PACRG: variants seen among roughly 807,000 people sequenced by gnomAD.
PACRG encodes parkin coregulated gene protein.
Under a neutral mutation model 29.7 loss-of-function variants are expected in PACRG, and 29 were observed. That is an observed-to-expected ratio of 0.98 (90% confidence interval 0.73 to 1.33). The LOEUF (loss-of-function observed/expected upper bound fraction) is 1.33. Ranked by LOEUF, PACRG falls within the 40% of genes most tolerant of loss-of-function variation. The pLI is 0.00. For synonymous variants in PACRG, 116 were observed against 118.7 expected (o/e 0.98, Z 0.15); for missense variants, 279 against 316.2 (o/e 0.88, Z 0.89).
intron 4 of PACRG, among the ~76,000 whole-genome samples, chr6:163,181,501 C>T (rs1177187244): frequency 6.6e-6 from 1 of 150,910 alleles, no homozygotes; most frequent in Non-Finnish European, 1.5e-5. Flanking sequence ...TGCCAGCGGC[C>T]CTCCCCTCCC....
At chr6:163,133,058 A>T (rs1365222286) in intron 4 of PACRG, among the ~76,000 whole-genome samples, 3 of 152,188 alleles carry the variant, frequency 2.0e-5, no homozygotes, top group African/African-American at 7.2e-5. Context: ...AAGAATCAGT[A>T]AGTTGATTTA....
At chr6:163,229,270 G>A (rs1163763866) in intron 4 of PACRG, among the ~76,000 whole-genome samples, 1 of 152,124 alleles carries the variant, frequency 6.6e-6, no homozygotes, top group Non-Finnish European at 1.5e-5. Context: ...ATCACTTTGA[G>A]CCCAGGAGTT....
At chr6:163,223,119 C>T (rs1331144826) in intron 4 of PACRG, among the ~76,000 whole-genome samples, 2 of 152,128 alleles carry the variant, frequency 1.3e-5, no homozygotes, top group Non-Finnish European at 2.9e-5. Context: ...ATTGACCGGG[C>T]GCGATGGCTC....
intron 4 of PACRG, among the ~76,000 whole-genome samples, chr6:163,238,480 T>C (rs1782335571): frequency 6.6e-6 from 1 of 152,194 alleles, no homozygotes; most frequent in Non-Finnish European, 1.5e-5. Flanking sequence ...AGAACAGAAT[T>C]TGAATCTAGT....
At chr6:163,292,770 T>A (rs1784660247) in intron 4 of PACRG, among the ~76,000 whole-genome samples, 1 of 152,174 alleles carries the variant, frequency 6.6e-6, no homozygotes, top group Non-Finnish European at 1.5e-5. Context: ...CATCTAAATT[T>A]CCTGACCATT....
chr6:163,084,401 T>A (rs1018353531), intron 3 of PACRG, among the ~76,000 whole-genome samples: 5 of 152,228 alleles, frequency 3.3e-5, no homozygotes, highest in African/African-American at 4.8e-5. Context: ...CTTCATGGTG[T>A]ATCTTAATTC....
chr6:162,956,704 G>A (rs1482081241), intron 2 of PACRG, among the ~76,000 whole-genome samples: 1 of 152,128 alleles, frequency 6.6e-6, no homozygotes, highest in Admixed American at 6.5e-5. Context: ...TCCTCACACA[G>A]CCCTCCCCTG....
chr6:163,290,835 C>T (rs1235495538), intron 4 of PACRG, among the ~76,000 whole-genome samples: 2 of 152,154 alleles, frequency 1.3e-5, no homozygotes, highest in Non-Finnish European at 1.5e-5. Context: ...ATCGGATGCG[C>T]ATGAGTTCAG....
intron 4 of PACRG, among the ~76,000 whole-genome samples, chr6:163,218,955 A>C (rs1030466271): frequency 3.3e-5 from 5 of 152,170 alleles, no homozygotes; most frequent in African/African-American, 1.2e-4. Flanking sequence ...ATATCCTCCA[A>C]CGCACAGGAC....
intron 4 of PACRG, among the ~76,000 whole-genome samples, chr6:163,291,129 C>A (rs1784586735): frequency 6.7e-6 from 1 of 149,126 alleles, no homozygotes; most frequent in Non-Finnish European, 1.5e-5. Flanking sequence ...CTAGATGACC[C>A]CTCTGCCCGC....
Position 162,814,291 on chromosome 6 carries a change from G to T in PACRG, c.291+10G>T. ...CAAAATCGCCTGGAAGGTAAGTCAG[G>T]GCACAGCTGTGCCGGCCAGCTGCAC... On this transcript the variant is annotated intron_variant, in intron 2 of 4. Transcript: ENST00000366888. 6.2e-7 allele frequency: 1 copy of T among 1,612,786 alleles called. No homozygotes were observed.
At chr6:162,883,661 G>A (rs541587706) in intron 2 of PACRG, among the ~76,000 whole-genome samples, 1 of 151,100 alleles carries the variant, frequency 6.6e-6, no homozygotes, top group East Asian at 2.0e-4. Flanking sequence ...TGGTTCAGAA[G>A]GCATCAAACG....
intron 2 of PACRG, among the ~76,000 whole-genome samples, chr6:163,048,288 T>G (rs1353370259): frequency 6.6e-6 from 1 of 152,222 alleles, no homozygotes; most frequent in Non-Finnish European, 1.5e-5. Flanking sequence ...AAGTTCACCA[T>G]GAAGTATGGG....
chr6:162,852,980 C>T (rs967562003), intron 2 of PACRG, among the ~76,000 whole-genome samples: 1 of 152,186 alleles, frequency 6.6e-6, no homozygotes, highest in African/African-American at 2.4e-5. Flanking sequence ...TTCTCAACAC[C>T]GTCACCAACA....
At chr6:162,795,830 A>C (rs1031332239) in intron 1 of PACRG, among the ~76,000 whole-genome samples, 1 of 152,108 alleles carries the variant, frequency 6.6e-6, no homozygotes, top group African/African-American at 2.4e-5. Context: ...TTTCCCATGT[A>C]CTTTATTTTT....
intron 1 of PACRG, among the ~76,000 whole-genome samples, chr6:162,792,854 A>G (rs1160957328): frequency 6.6e-6 from 1 of 152,174 alleles, no homozygotes; most frequent in East Asian, 1.9e-4. Flanking sequence ...TCAGAAAAGG[A>G]GATGTGTAGA....
rs748595221 is a variant in PACRG, at chr6:162,728,378, T to C, written c.143T>C (p.Met48Thr). ...VSEGFTVKAM[M>T]KNSVVRGPPA... ...GAGGGTTTCACAGTCAAAGCCATGA[T>C]GAAAAACTCAGTCGTAAGTGATCTT... The change falls in exon 1 of 5, where the codon ATG becomes ACG. Residue 48 changes from methionine (M) to threonine (T), a missense_variant. By Grantham distance (81) the Met-to-Thr change is moderately conservative. Coordinates refer to ENST00000366888, the MANE Select transcript of PACRG (RefSeq NM_001080379.2). 1 of 1,612,678 alleles carries C rather than the reference T, an allele frequency of 6.2e-7. No individual in the cohort carries two copies. The highest frequency in any genetic ancestry group is 8.5e-7 in the Non-Finnish European group (1 of 1,179,966).
At chr6:162,740,155 C>A (rs1187755630) in intron 1 of PACRG, among the ~76,000 whole-genome samples, 1 of 152,070 alleles carries the variant, frequency 6.6e-6, no homozygotes. Flanking sequence ...TTGTATTTAG[C>A]GAGATGAGTT....
chr6:162,895,430 T>G (rs1006640295), intron 2 of PACRG, among the ~76,000 whole-genome samples: 2 of 152,214 alleles, frequency 1.3e-5, no homozygotes, highest in Non-Finnish European at 2.9e-5. Context: ...TTCTGTGAAT[T>G]TCAAGGTTAT....
Sources: allele counts gnomAD v4.1 joint callset (sites outside exome capture counted in the v4.1 genomes callset), GRCh38; gene constraint gnomAD v4.1.1; transcripts MANE v1.5; gene names NCBI Gene and HGNC (gene_info 2026-07-23, HGNC 2026-07-21).